The following MICA variants were observed in gnomAD, a reference collection of about 807,000 sequenced individuals.
MICA encodes MHC class I polypeptide-related sequence A, also known as HLA class I antigen.
In MICA, 18 loss-of-function variants were observed where a neutral mutation model predicts 34.3. The ratio of observed to expected loss-of-function variants is 0.52; its 90% CI spans 0.36 to 0.78. MICA has a LOEUF of 0.78. MICA is among the 30% of genes least tolerant of loss of function. The pLI is 0.00. For missense variants in MICA, 333 were observed against 409.4 expected (o/e 0.81, Z 1.61); for synonymous variants, 135 against 156.9 (o/e 0.86, Z 1.04).
intron 5 of MICA, among the ~76,000 whole-genome samples, chr6:31,413,402 C>T (rs1471062812): frequency 6.6e-6 from 1 of 151,868 alleles, no homozygotes; most frequent in Non-Finnish European, 1.5e-5. Flanking sequence ...AGCCAATTTC[C>T]CTTTCTAAAG....
At chr6:31,407,716 G>C (rs9366783) in intron 1 of MICA, among the ~76,000 whole-genome samples, 11,671 of 151,898 alleles carry the variant, frequency 0.077, 634 homozygotes, top group East Asian at 0.23. Context: ...CAACTTTACT[G>C]AATTTGTTCT....
At chr6:31,408,747 G>A (rs1292177685) in intron 1 of MICA, among the ~76,000 whole-genome samples, 3 of 151,840 alleles carry the variant, frequency 2.0e-5, no homozygotes, top group Non-Finnish European at 4.4e-5. Flanking sequence ...CTCACGCCTG[G>A]ATTTCCAGCA....
Position 31,403,680 on chromosome 6 carries a change from T to C in MICA, c.48T>C (p.Phe16=). 6.5e-7 allele frequency: 1 copy of C among 1,533,948 alleles called. No homozygotes were observed. Among genetic ancestry groups the C allele is most frequent in the Non-Finnish European group, 8.8e-7 (1 of 1,140,830 alleles). ...VFLLLAGIFP[F]APPGAAAEPH... is the part of the protein sequence containing the mutation. ...TGCTTCTGGCTGGCATCTTCCCTTTTGCACCTCCGGGAGCTGCTGCTGGTG... is the reference window on the plus strand; with the variant it reads ...TGCTTCTGGCTGGCATCTTCCCTTTCGCACCTCCGGGAGCTGCTGCTGGTG... Residue 16 remains phenylalanine (F), a synonymous_variant, in exon 1 of 6, where the codon TTT becomes TTC. Transcript: ENST00000449934. This position sits in a 1 kb window ranked among gnomAD's most constrained non-coding sequence, Gnocchi z 4.7.
Position 31,412,175 on chromosome 6 carries a change from C to T in MICA, c.842C>T (p.Thr281Ile). ...TGCCGAGGAGAGGAGCAGAGGTTCA[C>T]CTGCTACATGGAACACAGCGGGAAT... is the stretch of plus-strand genomic sequence containing the variant. ...RICRGEEQRFTCYMEHSGNHS... is the reference protein window; with the variant it reads ...RICRGEEQRFICYMEHSGNHS... The change falls in exon 4 of 6, where the codon ACC (threonine) becomes ATC (isoleucine). Residue 281 changes from threonine to isoleucine, a missense_variant. Coordinates refer to ENST00000449934, the MANE Select transcript of MICA (RefSeq NM_001177519.3). 1 of 1,612,334 alleles carries T rather than the reference C, an allele frequency of 6.2e-7. No individual in the cohort carries two copies. The highest frequency in any genetic ancestry group is 8.5e-7 in the Non-Finnish European group (1 of 1,179,680).
upstream of MICA, among the ~76,000 whole-genome samples, chr6:31,401,721 C>T (rs36222679): frequency 2.9e-3 from 436 of 151,232 alleles, 17 homozygotes; most frequent in East Asian, 0.052. Context: ...GTTCAAACCA[C>T]GGGCTAAATC....
At chr6:31,412,920 C>T (rs757237141) in intron 5 of MICA, among the ~76,000 whole-genome samples, 6 of 151,880 alleles carry the variant, frequency 4.0e-5, no homozygotes, top group Non-Finnish European at 8.8e-5. Flanking sequence ...TATTCCCTTC[C>T]TCTCTGCATC....
chr6:31,411,957 G>A lies in MICA; in HGVS notation c.624G>A (p.Met208Ile), dbSNP rs1338149216. 3.1e-6 allele frequency: 5 copies of A among 1,612,414 alleles called. 1 individual carries two copies. The Middle Eastern group carries it at 5.0e-4, about 160-fold the overall frequency. The change falls in exon 4 of 6, where the codon ATG (methionine) becomes ATA (isoleucine). Residue 208 changes from methionine to isoleucine, a missense_variant. By Grantham distance (10) the Met-to-Ile change is conservative (BLOSUM62 1). Transcript: ENST00000449934. This position sits in a 1 kb window ranked among gnomAD's most constrained non-coding sequence, Gnocchi z 4.3. ...CCCTTTCTTCTCCAGTGCCCCCCAT[G>A]GTGAATGTCACCCGCAGCGAGGCCT... ...GVVLRRTVPP[M>I]VNVTRSEASE...
Position 31,403,811 on chromosome 6 carries a change from C to T in MICA, c.70+109C>T. On this transcript the variant is annotated intron_variant, in intron 1 of 5. Transcript: ENST00000449934. The surrounding 1 kb of genome is among the most constrained non-coding windows in gnomAD (Gnocchi z 4.7). ...GCGGTCAGGGCGGGGCTCCTGTGCC[C>T]TGTCGGTGGCGCAGGGAGCTGGACG... The T allele has an allele frequency of 9.9e-7, 1 of 1,006,012 alleles. No homozygotes were observed. The highest frequency in any genetic ancestry group is 1.4e-6 in the Non-Finnish European group (1 of 707,678). The allele number at this position is 1,006,012 out of a possible 1,614,324, so 62.3% of individuals were successfully genotyped here. A position where few individuals can be genotyped will look rare whatever the true frequency, so the allele number is the denominator to read the frequency against.
intron 1 of MICA, among the ~76,000 whole-genome samples, chr6:31,405,894 T>C (rs770989982): frequency 6.0e-4 from 91 of 152,066 alleles, no homozygotes; most frequent in Admixed American, 1.3e-3. Flanking sequence ...GATGGCTGAA[T>C]AGTTCTCCAC....
rs17206504 is a variant in MICA at position 31,410,570 on chromosome 6, C to A, written c.98C>A (p.Thr33Lys). 3 of 1,613,162 alleles carry A rather than the reference C, an allele frequency of 1.9e-6. No homozygotes were observed. The highest frequency in any genetic ancestry group is 3.3e-5 in the Admixed American group (2 of 59,744). ...CCCCACAGTCTTCGTTATAACCTCA[C>A]GGTGCTGTCCTGGGATGGATCTGTG... is the stretch of plus-strand genomic sequence containing the variant. ...AEPHSLRYNLTVLSWDGSVQS... is the reference protein window; with the variant it reads ...AEPHSLRYNLKVLSWDGSVQS... Residue 33 changes from threonine (T) to lysine (K), a missense_variant, in exon 2 of 6, where the codon ACG becomes AAG. Transcript: ENST00000449934.
rs1353424372 is a variant in MICA at position 31,411,934 on chromosome 6, C to G, written c.614-13C>G. The G allele has an allele frequency of 1.2e-6, 2 of 1,607,886 alleles. No individual in the cohort carries two copies. The highest frequency in any genetic ancestry group is 1.7e-6 in the Non-Finnish European group (2 of 1,177,162). ...GGAGCAGGGCTTCACTGGCTCTGCC[C>G]TTTCTTCTCCAGTGCCCCCCATGGT... On this transcript the variant is annotated splice_polypyrimidine_tract_variant and intron_variant, in intron 3 of 5. Coordinates refer to ENST00000449934, the MANE Select transcript of MICA (RefSeq NM_001177519.3). This position sits in a 1 kb window ranked among gnomAD's most constrained non-coding sequence, Gnocchi z 4.3.
Position 31,411,894 on chromosome 6 carries a change from T to C in MICA, c.614-53T>C, listed in dbSNP as rs930963847. ...GTGAAGAGAAACAGCCCTGTTCCTC[T>C]CCCCTCCTTAGAGGGGAGCAGGGCT... On this transcript the variant is annotated intron_variant, in intron 3 of 5. Transcript: ENST00000449934. This position sits in a 1 kb window ranked among gnomAD's most constrained non-coding sequence, Gnocchi z 4.3. 9.5e-6 allele frequency: 15 copies of C among 1,572,246 alleles called. No individual in the cohort carries two copies. In the Middle Eastern group the frequency reaches 1.0e-3, roughly 109 times the overall value.
Position 31,411,711 on chromosome 6 carries a change from C to T in MICA, c.614-236C>T, listed in dbSNP as rs1771167995. ...CTGGCCCCACAACCCAGGAGTCCAC[C>T]CCTGACATCCCCCTCCTCAGCATCA... On this transcript the variant is annotated intron_variant, in intron 3 of 5. Transcript: ENST00000449934. The surrounding 1 kb of genome is among the most constrained non-coding windows in gnomAD (Gnocchi z 4.3). 6.6e-6 allele frequency among the ~76,000 whole-genome samples: 1 copy of T among 151,796 alleles called. No individual in the cohort carries two copies. The highest frequency in any genetic ancestry group is 1.5e-5 in the Non-Finnish European group (1 of 68,002).
chr6:31,410,393 G>C, intron 1 of MICA, 150 bp from the exon 2 acceptor site: 1 of 1,073,688 alleles, frequency 9.3e-7, no homozygotes, highest in Non-Finnish European at 1.3e-6. Flanking sequence ...CACCCTCACA[G>C]TTTTCTTTGT....
intron 5 of MICA, 133 bp from the exon 6 acceptor site, chr6:31,414,879 A>G: frequency 1.5e-6 from 1 of 683,048 alleles, no homozygotes; most frequent in Non-Finnish European, 2.5e-6. Context: ...AGGAAGAAAA[A>G]AGTGGGGGCC....
rs1771454911 is a variant in MICA at position 31,415,197 on chromosome 6, C to T, written c.*215C>T. 4 of 731,968 alleles carry T rather than the reference C, an allele frequency of 5.5e-6. No homozygotes were observed. The highest frequency in any genetic ancestry group is 1.8e-5 in the African/African-American group (1 of 55,952). 45.3% of individuals were successfully genotyped at this position (731,968 alleles called of 1,614,324 possible). ...CTGCCTGGATCTCACAAGCACTTTC[C>T]CTCTTGGTGCCTCAGTTTCCTGACC... is the stretch of plus-strand genomic sequence containing the variant. On this transcript the variant is annotated 3_prime_UTR_variant, in exon 6 of 6. Coordinates refer to ENST00000449934, the MANE Select transcript of MICA (RefSeq NM_001177519.3).
chr6:31,410,582 G>C lies in MICA; in HGVS notation c.110G>C (p.Trp37Ser), dbSNP rs17206518. The change falls in exon 2 of 6, where the codon TGG becomes TCG. Residue 37 changes from tryptophan to serine, a missense_variant. Coordinates refer to ENST00000449934, the MANE Select transcript of MICA (RefSeq NM_001177519.3). ...SLRYNLTVLS[W>S]DGSVQSGFLA... ...CGTTATAACCTCACGGTGCTGTCCT[G>C]GGATGGATCTGTGCAGTCAGGGTTT... 6.2e-7 allele frequency: 1 copy of C among 1,613,310 alleles called. No homozygotes were observed. The highest frequency in any genetic ancestry group is 1.1e-5 in the South Asian group (1 of 91,050).
intron 1 of MICA, among the ~76,000 whole-genome samples, chr6:31,410,289 G>C (rs941427695): frequency 4.8e-4 from 73 of 151,988 alleles, no homozygotes; most frequent in Middle Eastern, 3.4e-3. Flanking sequence ...ATTCCCTTAG[G>C]GGGCTTGTGG....
intron 1 of MICA, among the ~76,000 whole-genome samples, 191 bp from the exon 2 acceptor site, chr6:31,410,351 CT>C (rs1284892909): frequency 6.6e-6 from 1 of 151,796 alleles, no homozygotes; most frequent in Admixed American, 6.6e-5. Context: ...ATTCCCCCTT[CT>C]TCTGTTCATC....
Sources: allele counts gnomAD v4.1 joint callset (sites outside exome capture counted in the v4.1 genomes callset), GRCh38; gene constraint gnomAD v4.1.1; non-coding constraint Gnocchi (gnomAD v3.1); transcripts MANE v1.5; gene names NCBI Gene and HGNC (gene_info 2026-07-23, HGNC 2026-07-21).